The following UPK1A variants were observed in gnomAD, a reference collection of about 807,000 sequenced individuals.
The protein encoded by UPK1A is uroplakin 1A.
UPK1A carries 31 observed loss-of-function variants against 32.3 expected under a neutral mutation model. The observed-to-expected ratio is 0.96, with a 90% CI of 0.72 to 1.30. The LOEUF is 1.30. Ranked by LOEUF, UPK1A falls within the 50% of genes most tolerant of loss-of-function variation. UPK1A has a pLI of 0.00. For synonymous variants in UPK1A, 135 were observed against 137.1 expected, an observed-to-expected ratio of 0.98 and a Z score of 0.11; for missense variants, 340 against 357.4, an observed-to-expected ratio of 0.95 and a Z score of 0.39.
chr19:35,677,894 C>A (rs558251257), exon 7 of UPK1A: 6 of 1,397,998 alleles, frequency 4.3e-6, no homozygotes, highest in East Asian at 3.5e-5. Context: ...CTGATGTGGA[C>A]GGTGAGAGGC....
intron 3 of UPK1A, among the ~76,000 whole-genome samples, chr19:35,671,265 T>C (rs1968092934): frequency 6.7e-6 from 1 of 148,954 alleles, no homozygotes. Flanking sequence ...CGGGCGCCTG[T>C]AGTCCCAGCT....
At chr19:35,674,435 A>C (rs1968152410) in intron 5 of UPK1A, among the ~76,000 whole-genome samples, 1 of 151,316 alleles carries the variant, frequency 6.6e-6, no homozygotes, top group Non-Finnish European at 1.5e-5. Context: ...TTTAGTAGAG[A>C]TGGGTGTTAG....
intron 5 of UPK1A, among the ~76,000 whole-genome samples, chr19:35,674,241 C>T (rs1439695441): frequency 8.1e-5 from 8 of 98,964 alleles, no homozygotes; most frequent in Non-Finnish European, 9.8e-5. Context: ...TTCTTTTTAT[C>T]TTTTTTTTTT....
At chr19:35,670,454 T>A (rs75339023) in intron 3 of UPK1A, among the ~76,000 whole-genome samples, 11,427 of 116,600 alleles carry the variant, frequency 0.098, 652 homozygotes, top group East Asian at 0.25. Flanking sequence ...TGTTGTGGAC[T>A]TTGGCTTTAT....
chr19:35,666,613 G>A, intron 1 of UPK1A, 75 bp downstream of exon 1: 1 of 584,238 alleles, frequency 1.7e-6, no homozygotes, highest in Non-Finnish European at 3.0e-6. Flanking sequence ...GCCAAGTTCA[G>A]GCCAGTGACT....
At chr19:35,667,963 T>C in intron 2 of UPK1A, 1 of 203,798 alleles carries the variant, frequency 4.9e-6, no homozygotes, top group South Asian at 8.4e-5. Context: ...CTAATTTTTT[T>C]ATTTTTTGTA....
chr19:35,678,170 C>T (rs1224649195), exon 8 of UPK1A: 4 of 1,010,752 alleles, frequency 4.0e-6, no homozygotes, highest in Non-Finnish European at 5.7e-6. Context: ...TTTCCAGGTT[C>T]CTGAGCCCTA....
chr19:35,676,262 C>G (rs1968182661), intron 6 of UPK1A: 3 of 649,108 alleles, frequency 4.6e-6, no homozygotes, highest in Non-Finnish European at 8.3e-6. Context: ...ACAATCTCAG[C>G]TCACTGCAGC....
chr19:35,668,328 G>A, intron 2 of UPK1A, 126 bp from the exon 3 acceptor site: 1 of 1,149,218 alleles, frequency 8.7e-7, no homozygotes. Flanking sequence ...TGGAAGGCGA[G>A]GTCTTTGCCC....
At position 35,677,811 on chromosome 19, in the gene UPK1A, G is replaced by A. The variant is rs748181361; in HGVS notation, c.649-1G>A. ...CAAACTTCCCCCATCCCCCTGCCCA[G>A]GGCTGCTTCGAACACATCGGCCACG... On this transcript the variant is annotated splice_acceptor_variant, in intron 6 of 7. Coordinates refer to ENST00000617999, the Ensembl canonical transcript of UPK1A. LOFTEE classifies it high-confidence loss of function. The A allele has an allele frequency of 2.5e-6, 4 of 1,612,038 alleles. No individual in the cohort carries two copies. In the African/African-American group the frequency reaches 5.3e-5, roughly 22 times the overall value.
intron 2 of UPK1A, chr19:35,668,085 G>A: frequency 3.1e-6 from 1 of 324,060 alleles, no homozygotes; most frequent in Admixed American, 4.3e-5. Flanking sequence ...ACCTTGCCTG[G>A]CCCATTTGTA....
At chr19:35,674,450 G>T (rs1236259084) in intron 5 of UPK1A, among the ~76,000 whole-genome samples, 2 of 151,722 alleles carry the variant, frequency 1.3e-5, no homozygotes, top group African/African-American at 4.8e-5. Context: ...TGTTAGCCAG[G>T]ATGGTCTTGA....
At chr19:35,671,865 G>A (rs1968106807) in intron 3 of UPK1A, among the ~76,000 whole-genome samples, 1 of 152,046 alleles carries the variant, frequency 6.6e-6, no homozygotes, top group Non-Finnish European at 1.5e-5. Flanking sequence ...CAGACTGCCC[G>A]ACATTGTCTC....
chr19:35,677,740 G>A (rs1204978523), intron 6 of UPK1A, 72 bp from the exon 7 acceptor site: 19 of 1,570,830 alleles, frequency 1.2e-5, no homozygotes, highest in East Asian at 4.5e-5. Context: ...TCCCAAGGGC[G>A]CACAGTGACT....
intron 3 of UPK1A, among the ~76,000 whole-genome samples, 194 bp downstream of exon 3, chr19:35,668,848 CTT>C (rs147337402): frequency 1.0e-4 from 14 of 140,640 alleles, no homozygotes; most frequent in Admixed American, 1.4e-4. Context: ...GGGATTTTTT[CTT>C]TTTTTTTTTT....
rs757154645 is a variant in UPK1A at position 35,677,852 on chromosome 19, C to T, written c.689C>T (p.Thr230Met). 25 of 1,589,652 alleles carry T rather than the reference C, an allele frequency of 1.6e-5. No individual in the cohort carries two copies. Among genetic ancestry groups the T allele is most frequent in the Middle Eastern group, 2.3e-4 (1 of 4,400 alleles). Residue 230 changes from threonine to methionine, a missense_variant, in exon 7 of 8, where the codon ACG (threonine) becomes ATG (methionine). Transcript: ENST00000617999. ...ATCGGCCACGCCATCGACAGCTACA[C>T]GTGGGGTATCTCGTGGTTTGGGTTT... is the stretch of plus-strand genomic sequence containing the variant.
intron 2 of UPK1A, among the ~76,000 whole-genome samples, chr19:35,667,467 G>A (rs1968016519): frequency 6.6e-6 from 1 of 151,670 alleles, no homozygotes; most frequent in Non-Finnish European, 1.5e-5. Context: ...AGAATAGCTG[G>A]GATTACAGGC....
At position 35,673,551 on chromosome 19, in the gene UPK1A, C is replaced by G; in HGVS notation, c.468+6C>G. On this transcript the variant is annotated splice_donor_region_variant and intron_variant, in intron 5 of 7. Coordinates refer to ENST00000617999, the Ensembl canonical transcript of UPK1A. ...GGGACCGCGTCATGATTGAGGTGGG[C>G]GGGGTGGACCGGGTGCTGGGAGGGC... The G allele has an allele frequency of 6.2e-7, 1 of 1,612,070 alleles. No homozygotes were observed. Among genetic ancestry groups the G allele is most frequent in the Non-Finnish European group, 8.5e-7 (1 of 1,179,296 alleles).
exon 8 of UPK1A, chr19:35,678,160 T>G: frequency 3.6e-6 from 4 of 1,104,534 alleles, no homozygotes; most frequent in Non-Finnish European, 5.1e-6. Flanking sequence ...CCAAGATCTT[T>G]TTCCAGGTTC....
Sources: gnomAD v4.1 joint callset for allele counts (sites outside exome capture counted in the v4.1 genomes callset) on GRCh38, gnomAD v4.1.1 for gene constraint, MANE v1.5 for transcripts, NCBI Gene and HGNC (gene_info 2026-07-23, HGNC 2026-07-21) for gene names.